Variants in MAGI2 observed in about 807,000 individuals in gnomAD.
The protein encoded by MAGI2 is membrane-associated guanylate kinase, WW and PDZ domain-containing protein 2.
Under a neutral mutation model 133.3 loss-of-function variants are expected in MAGI2, and 35 were observed. The observed-to-expected ratio is 0.26, with a 90% CI of 0.20 to 0.35. The LOEUF (loss-of-function observed/expected upper bound fraction) is 0.35, where lower values mean the gene tolerates loss of function less well. MAGI2 is among the 10% of genes least tolerant of loss of function. The pLI is 1.00. For missense variants in MAGI2, 1,636 were observed against 1,863.4 expected, an observed-to-expected ratio of 0.88 and a Z score of 2.25; for synonymous variants, 729 against 710.6, an observed-to-expected ratio of 1.03 and a Z score of -0.41.
At chr7:78,999,162 AG>A (rs1465105405) in intron 2 of MAGI2, among the ~76,000 whole-genome samples, 17 of 152,178 alleles carry the variant, frequency 1.1e-4, no homozygotes, top group Admixed American at 1.1e-3. Context: ...TATGAAAAAA[AG>A]GAAAGAGAAA....
At chr7:78,804,432 AAAACT>A (rs954463237) in intron 2 of MAGI2, among the ~76,000 whole-genome samples, 2 of 151,818 alleles carry the variant, frequency 1.3e-5, no homozygotes, top group South Asian at 2.1e-4. Context: ...TAAACAAAAT[AAAACT>A]AAACTAAACT....
chr7:79,069,704 G>A (rs748540530), intron 1 of MAGI2, among the ~76,000 whole-genome samples: 7 of 152,122 alleles, frequency 4.6e-5, no homozygotes, highest in Non-Finnish European at 1.0e-4. Flanking sequence ...TAGCATTGAT[G>A]GTCTTTACAA....
intron 3 of MAGI2, among the ~76,000 whole-genome samples, chr7:78,553,470 C>G (rs1799534333): frequency 1.3e-5 from 2 of 152,168 alleles, no homozygotes; most frequent in South Asian, 2.1e-4. Context: ...TTGAAAACCT[C>G]TGTCATTAAA....
chr7:78,285,491 G>GT (rs567965365), intron 9 of MAGI2, among the ~76,000 whole-genome samples: 82 of 152,242 alleles, frequency 5.4e-4, no homozygotes, highest in African/African-American at 1.8e-3. Context: ...GGCATTGTGT[G>GT]AAACCCTTAA....
chr7:78,432,361 A>G (rs1401483017), intron 6 of MAGI2, among the ~76,000 whole-genome samples: 5 of 152,068 alleles, frequency 3.3e-5, no homozygotes, highest in Non-Finnish European at 7.4e-5. Context: ...CAATTAAAAC[A>G]TTTTTCAGAT....
chr7:78,669,467 T>C (rs1814066575), intron 2 of MAGI2, among the ~76,000 whole-genome samples: 2 of 152,108 alleles, frequency 1.3e-5, no homozygotes, highest in South Asian at 4.1e-4. Context: ...ACCAGATGGA[T>C]TCACAGCCAA....
chr7:78,763,086 T>A (rs1824673337), intron 2 of MAGI2, among the ~76,000 whole-genome samples: 1 of 152,192 alleles, frequency 6.6e-6, no homozygotes, highest in Non-Finnish European at 1.5e-5. Context: ...CAGTCACTGG[T>A]CATGGTTAAA....
chr7:78,560,667 T>C (rs1204458853), intron 3 of MAGI2, among the ~76,000 whole-genome samples: 4 of 152,156 alleles, frequency 2.6e-5, no homozygotes, highest in Non-Finnish European at 5.9e-5. Context: ...AACTAGAAAT[T>C]ATTTGTGGGC....
chr7:78,044,904 C>T (rs1202713732), intron 21 of MAGI2, among the ~76,000 whole-genome samples: 1 of 152,228 alleles, frequency 6.6e-6, no homozygotes, highest in Non-Finnish European at 1.5e-5. Context: ...TGCGGCGGCT[C>T]ACACCTGTAA....
chr7:78,706,149 C>T (rs111452288), intron 2 of MAGI2, among the ~76,000 whole-genome samples: 2,275 of 126,888 alleles, frequency 0.018, 61 homozygotes, highest in African/African-American at 0.061. Flanking sequence ...TGGCTGTGTC[C>T]CCCCCCAAAT....
intron 2 of MAGI2, chr7:78,771,124 C>CTCTCTCTCTG (rs1825547167): frequency 6.6e-6 from 1 of 152,254 alleles, no homozygotes; most frequent in Non-Finnish European, 1.5e-5. Flanking sequence ...ACTTCTCTCT[C>CTCTCTCTCTG]TCTCTCTCTG....
At chr7:78,347,699 G>A (rs1791060480) in intron 7 of MAGI2, among the ~76,000 whole-genome samples, 1 of 152,202 alleles carries the variant, frequency 6.6e-6, no homozygotes, top group African/African-American at 2.4e-5. Context: ...CTGGGACCTT[G>A]CTCTAACTGC....
intron 10 of MAGI2, among the ~76,000 whole-genome samples, chr7:78,214,412 C>T (rs1362117058): frequency 6.6e-6 from 1 of 152,130 alleles, no homozygotes; most frequent in African/African-American, 2.4e-5. Context: ...TCAATTATTG[C>T]TAGAATCTGT....
intron 6 of MAGI2, among the ~76,000 whole-genome samples, chr7:78,372,649 C>A (rs968291949): frequency 6.6e-5 from 10 of 151,960 alleles, no homozygotes; most frequent in African/African-American, 2.4e-4. Flanking sequence ...AACCATGGGG[C>A]AAATTCAGTG....
At chr7:78,976,633 T>C (rs1380451405) in intron 2 of MAGI2, among the ~76,000 whole-genome samples, 1 of 150,486 alleles carries the variant, frequency 6.6e-6, no homozygotes, top group Non-Finnish European at 1.5e-5. Flanking sequence ...TTAAAAGCCA[T>C]ATAGATTGGA....
intron 1 of MAGI2, among the ~76,000 whole-genome samples, chr7:79,174,233 T>G (rs573718870): frequency 5.8e-4 from 88 of 152,114 alleles, no homozygotes; most frequent in African/African-American, 1.9e-3. Context: ...AATTAATTAA[T>G]TGAAAAAGAA....
At chr7:78,873,252 G>A (rs963719993) in intron 2 of MAGI2, among the ~76,000 whole-genome samples, 2 of 152,146 alleles carry the variant, frequency 1.3e-5, no homozygotes, top group Non-Finnish European at 2.9e-5. Context: ...CTATACAACA[G>A]GGGTCCCCAA....
intron 4 of MAGI2, among the ~76,000 whole-genome samples, chr7:78,520,773 T>A (rs1356131110): frequency 6.8e-6 from 1 of 147,384 alleles, no homozygotes; most frequent in African/African-American, 2.5e-5. Context: ...GTCTAATTCT[T>A]CACATATGTG....
At position 78,502,240 on chromosome 7, in the gene MAGI2, T is replaced by A. The variant is rs147513704; in HGVS notation, c.755-453A>T. 2.8e-3 allele frequency among the ~76,000 whole-genome samples: 426 copies of A among 152,190 alleles called. 3 individuals are homozygous for A. In the Middle Eastern group the frequency reaches 0.034, roughly 12 times the overall value. ...TGATTAAATGTAATCACAAGAGTCC[T>A]TAAAAGTGAAAAAAGTCAGCAGAAA... is the stretch of plus-strand genomic sequence containing the variant. On this transcript the variant is annotated intron_variant, in intron 4 of 21. Transcript: ENST00000354212.
Sources: gnomAD v4.1 joint callset for allele counts (sites outside exome capture counted in the v4.1 genomes callset) on GRCh38, gnomAD v4.1.1 for gene constraint, MANE v1.5 for transcripts, NCBI Gene and HGNC (gene_info 2026-07-23, HGNC 2026-07-21) for gene names.